The following PRR35 variants were observed in gnomAD, a reference collection of about 807,000 sequenced individuals.
PRR35 encodes proline rich 35.
In PRR35, 14 loss-of-function variants were observed where a neutral mutation model predicts 18.6. That is an observed-to-expected ratio of 0.75 (90% CI 0.50 to 1.18). PRR35 has a LOEUF of 1.18. Ranked by LOEUF, PRR35 falls within the 50% of genes most tolerant of loss-of-function variation. The pLI is 0.00. For missense variants in PRR35, 832 were observed against 792.2 expected (o/e 1.05, Z -0.60); for synonymous variants, 425 against 378.2 (o/e 1.12, Z -1.43).
upstream of PRR35, chr16:560,251 GGGGCGGCGGGGGGCGCGC>G (rs1034550358): frequency 1.2e-5 from 9 of 739,364 alleles, no homozygotes; most frequent in African/African-American, 7.7e-5. Context: ...TGCGCGCCAG[GGGGCGGCGGGGGGCGCGC>G]GGGCGGCGGG....
chr16:560,542 A>G lies in PRR35; in HGVS notation c.-159A>G, dbSNP rs890536748. The G allele has an allele frequency of 1.0e-6, 1 of 982,716 alleles. No individual in the cohort carries two copies. Among genetic ancestry groups the G allele is most frequent in the African/African-American group, 1.8e-5 (1 of 56,934 alleles). 60.9% of individuals were successfully genotyped at this position (982,716 alleles called of 1,614,324 possible). On this transcript the variant is annotated 5_prime_UTR_variant, in exon 1 of 3. Coordinates refer to ENST00000409413, the MANE Select transcript of PRR35 (RefSeq NM_145270.3). ...CCCACGGGAGCCGCATCCCACCCCC[A>G]GAGCCCCAGCGCGTCCGCGGGGTCC...
rs773516458 is a variant in PRR35 at position 565,267 on chromosome 16, C to T, written c.1676C>T (p.Ala559Val). 2 of 1,568,562 alleles carry T rather than the reference C, an allele frequency of 1.3e-6. No individual in the cohort carries two copies. The highest frequency in any genetic ancestry group is 1.7e-6 in the Non-Finnish European group (2 of 1,157,444). The change falls in exon 3 of 3, where the codon GCT becomes GTT. Residue 559 changes from alanine to valine, a missense_variant. Physicochemically the swap from Ala to Val is moderately conservative, Grantham distance 64 (BLOSUM62 0). Transcript: ENST00000409413. ...ACGAGGAGTTCCCAGACCCCTGAGG[C>T]TGTCTGTGGCCTGCAGAGCCCCCAG... ...VATRSSQTPE[A>V]VCGLQSPQGA... is the part of the protein sequence containing the mutation.
rs535166629 is a variant in PRR35 at position 563,819 on chromosome 16, G to A, written c.525G>A (p.Ala175=). The change falls in exon 2 of 3, where the codon GCG becomes GCA. Residue 175 remains alanine (A), a synonymous_variant. Transcript: ENST00000409413. ...GMGGDPRGVG[A]GDMASAGPEG... ...GAGGGGACCCAAGGGGCGTGGGTGC[G>A]GGGGACATGGCCTCAGCAGGCCCTG... 2.0e-5 allele frequency: 30 copies of A among 1,506,422 alleles called. No homozygotes were observed. Among genetic ancestry groups the A allele is most frequent in the Non-Finnish European group, 2.4e-5 (27 of 1,124,950 alleles). 93.3% of individuals were successfully genotyped at this position (1,506,422 alleles called of 1,614,324 possible).
rs2035512756 is a variant in PRR35, at chr16:565,073, C to T, written c.1482C>T (p.Thr494=). The change falls in exon 3 of 3, where the codon ACC becomes ACT. Residue 494 remains threonine (T), a synonymous_variant. Coordinates refer to ENST00000409413, the MANE Select transcript of PRR35 (RefSeq NM_145270.3). ...WGRPELGPVL[T]GGTPEPPGML... is the part of the protein sequence containing the mutation. ...GGCCCGAGCTGGGTCCCGTGTTGAC[C>T]GGGGGCACCCCCGAGCCACCCGGCA... The T allele has an allele frequency of 6.3e-7, 1 of 1,592,428 alleles. No individual in the cohort carries two copies. Among genetic ancestry groups the T allele is most frequent in the Non-Finnish European group, 8.6e-7 (1 of 1,169,318 alleles).
chr16:561,312 G>A (rs1240623846), intron 1 of PRR35, among the ~76,000 whole-genome samples: 1 of 152,178 alleles, frequency 6.6e-6, no homozygotes, highest in African/African-American at 2.4e-5. Flanking sequence ...GGGAGCCCCC[G>A]GTCCCTGCTG....
At chr16:562,706 G>A (rs1297804350) in intron 1 of PRR35, among the ~76,000 whole-genome samples, 1 of 152,248 alleles carries the variant, frequency 6.6e-6, no homozygotes, top group Non-Finnish European at 1.5e-5. Flanking sequence ...ATTGGCAGGG[G>A]CCAGGGTTGC....
chr16:563,916 C>T lies in PRR35; in HGVS notation c.622C>T (p.Leu208=). The change falls in exon 2 of 3, where the codon CTG becomes TTG. Residue 208 remains leucine (L), a synonymous_variant. Coordinates refer to ENST00000409413, the MANE Select transcript of PRR35 (RefSeq NM_145270.3). ...TGAGGCCCACAGCCTCCACCTGTCTCTGCTGGGCGTCAACTACCCGCTCAG... is the reference window on the plus strand; with the variant it reads ...TGAGGCCCACAGCCTCCACCTGTCTTTGCTGGGCGTCAACTACCCGCTCAG... ...FPEAHSLHLS[L]LGVNYPLSPG... The T allele has an allele frequency of 2.5e-6, 4 of 1,591,332 alleles. No homozygotes were observed. The highest frequency in any genetic ancestry group is 2.6e-6 in the Non-Finnish European group (3 of 1,170,168).
chr16:565,111 C>T lies in PRR35; in HGVS notation c.1520C>T (p.Ala507Val), dbSNP rs368200241. 1.3e-5 allele frequency: 21 copies of T among 1,600,238 alleles called. No homozygotes were observed. The African/African-American group carries it at 2.0e-4, about 15-fold the overall frequency. The change falls in exon 3 of 3, where the codon GCA becomes GTA. Residue 507 changes from alanine (A) to valine (V), a missense_variant. Ala to Val is a moderately conservative substitution (Grantham distance 64). Around this residue, in one of 3 missense-constraint regions of PRR35, gnomAD observed 768 missense variants for 704.1 expected, o/e 1.09. Transcript: ENST00000409413. ...GAGCCACCCGGCATGCTGGGCCCTG[C>T]AGCGCCCCAACCCTTCTCTGGCCAC... ...TPEPPGMLGP[A>V]APQPFSGHTT... is the part of the protein sequence containing the mutation.
chr16:561,695 G>A (rs531918569), intron 1 of PRR35: 65 of 980,184 alleles, frequency 6.6e-5, no homozygotes, highest in South Asian at 5.7e-4. Flanking sequence ...TCCCCCCAAC[G>A]GCACCAACAC....
Position 564,265 on chromosome 16 carries a change from G to T in PRR35, c.971G>T (p.Gly324Val). Reference sequence around the variant, plus strand: ...ACCCCCAGGGACCCAGGGCAGGAGGGGGAGCTGGAGCGGGCAGCCCAGAGT... The same window carrying T: ...ACCCCCAGGGACCCAGGGCAGGAGGTGGAGCTGGAGCGGGCAGCCCAGAGT... ...RVTPRDPGQE[G>V]ELERAAQSDP... The change falls in exon 2 of 3, where the codon GGG (glycine) becomes GTG (valine). Residue 324 changes from glycine to valine, a missense_variant. Coordinates refer to ENST00000409413, the MANE Select transcript of PRR35 (RefSeq NM_145270.3). 3 of 1,578,388 alleles carry T rather than the reference G, an allele frequency of 1.9e-6. No individual in the cohort carries two copies. Among genetic ancestry groups the T allele is most frequent in the Non-Finnish European group, 2.6e-6 (3 of 1,167,038 alleles).
chr16:560,690 C>G lies in PRR35; in HGVS notation c.-40+29C>G, dbSNP rs2035418239. On this transcript the variant is annotated intron_variant, in intron 1 of 2. Transcript: ENST00000409413. Reference sequence around the variant, plus strand: ...GGAGCGGCGGGAGCCGCGGGGGCGGCCAGTTGGGCGTCGCGGGGCCGGCTG... The same window carrying G: ...GGAGCGGCGGGAGCCGCGGGGGCGGGCAGTTGGGCGTCGCGGGGCCGGCTG... 13 of 982,744 alleles carry G rather than the reference C, an allele frequency of 1.3e-5. No homozygotes were observed. In the South Asian group the frequency reaches 4.1e-4, roughly 31 times the overall value. The allele number at this position is 982,744 out of a possible 1,614,324, so 60.9% of individuals were successfully genotyped here.
In PRR35 at chr16:564,510, A is replaced by C; in HGVS notation, c.1082+134A>C. 4.2e-6 allele frequency: 6 copies of C among 1,424,910 alleles called. No individual in the cohort carries two copies. In the East Asian group the frequency reaches 7.4e-5, roughly 18 times the overall value. The allele number at this position is 1,424,910 out of a possible 1,614,324, so 88.3% of individuals were successfully genotyped here. ...GCTGGGAAAGTGGGCTCCAGGCCAC[A>C]GAGGGGAACTGAGACCCGAGAGCCA... On this transcript the variant is annotated intron_variant, in intron 2 of 2. Coordinates refer to ENST00000409413, the MANE Select transcript of PRR35 (RefSeq NM_145270.3).
At position 565,498 on chromosome 16, in the gene PRR35, A is replaced by T. The variant is rs539247570; in HGVS notation, c.*191A>T. The stretch of plus-strand genomic sequence containing the variant: ...GAGGTCACAGTTATTTATTGATCAC[A>T]ATTGTGGACATTAAAACAGAAACTG... On this transcript the variant is annotated 3_prime_UTR_variant, in exon 3 of 3. Coordinates refer to ENST00000409413, the MANE Select transcript of PRR35 (RefSeq NM_145270.3). The T allele has an allele frequency of 3.2e-3, 1,693 of 534,952 alleles. 8 individuals are homozygous for T. The highest frequency in any genetic ancestry group is 4.3e-3 in the Non-Finnish European group (1,440 of 331,642). The allele number at this position is 534,952 out of a possible 1,614,324, so 33.1% of individuals were successfully genotyped here.
chr16:560,568 G>A lies in PRR35; in HGVS notation c.-133G>A. The A allele has an allele frequency of 1.0e-6, 1 of 983,234 alleles. No individual in the cohort carries two copies. The highest frequency in any genetic ancestry group is 6.2e-5 in the Admixed American group (1 of 16,110). The allele number at this position is 983,234 out of a possible 1,614,324, so 60.9% of individuals were successfully genotyped here. On this transcript the variant is annotated 5_prime_UTR_variant, in exon 1 of 3. Transcript: ENST00000409413. The stretch of plus-strand genomic sequence containing the variant: ...GAGCCCCAGCGCGTCCGCGGGGTCC[G>A]AGTCGCGGCCGGCGCGGGGCGGGGA...
rs535736533 is a variant in PRR35, at chr16:565,348, G to T, written c.*41G>T. 24 of 1,427,176 alleles carry T rather than the reference G, an allele frequency of 1.7e-5. No individual in the cohort carries two copies. The highest frequency in any genetic ancestry group is 1.3e-4 in the African/African-American group (9 of 68,456). 88.4% of individuals were successfully genotyped at this position (1,427,176 alleles called of 1,614,324 possible). ...GTCTGACTGTCTCTGCCTGCAGCAT[G>T]CCGGCCCCTCTCCTGCAGCCCCTGC... On this transcript the variant is annotated 3_prime_UTR_variant, in exon 3 of 3. Transcript: ENST00000409413.
chr16:562,168 T>A (rs2035444481), intron 1 of PRR35, among the ~76,000 whole-genome samples: 1 of 152,168 alleles, frequency 6.6e-6, no homozygotes, highest in Admixed American at 6.5e-5. Flanking sequence ...GTGGCGCGCA[T>A]ACCAGCGCCG....
chr16:560,746 G>T, intron 1 of PRR35, 85 bp downstream of exon 1: 1 of 940,218 alleles, frequency 1.1e-6, no homozygotes, highest in Non-Finnish European at 1.3e-6. Flanking sequence ...CGGGTGGCCA[G>T]GCGTGTGGGG....
At position 564,381 on chromosome 16, in the gene PRR35, G is replaced by A. The variant is rs375313294; in HGVS notation, c.1082+5G>A. 6.3e-7 allele frequency: 1 copy of A among 1,589,826 alleles called. No individual in the cohort carries two copies. Among genetic ancestry groups the A allele is most frequent in the Non-Finnish European group, 8.5e-7 (1 of 1,175,986 alleles). ...AAGGTTCTGTTCCCGGAGCAGGTGGGCGTCTTGGGCTCCCGGTTCCTGGGG... is the reference window on the plus strand; with the variant it reads ...AAGGTTCTGTTCCCGGAGCAGGTGGACGTCTTGGGCTCCCGGTTCCTGGGG... On this transcript the variant is annotated splice_donor_5th_base_variant and intron_variant, in intron 2 of 2. Coordinates refer to ENST00000409413, the MANE Select transcript of PRR35 (RefSeq NM_145270.3).
In PRR35 at chr16:560,491, G is replaced by A. The variant is rs2142104000; in HGVS notation, c.-210G>A. ...AGGGACCGCGGACCCGGGAGGTCCG[G>A]CTCCCGGCGCCGGGCCTCAGTTTCC... On this transcript the variant is annotated 5_prime_UTR_variant, in exon 1 of 3. Transcript: ENST00000409413. The A allele has an allele frequency of 2.0e-6, 2 of 982,776 alleles. No individual in the cohort carries two copies. The highest frequency in any genetic ancestry group is 1.1e-4 in the East Asian group (1 of 8,750). 60.9% of individuals were successfully genotyped at this position (982,776 alleles called of 1,614,324 possible). A position where few individuals can be genotyped will look rare whatever the true frequency, so the allele number is the denominator to read the frequency against.
Sources: allele counts gnomAD v4.1 joint callset (sites outside exome capture counted in the v4.1 genomes callset), GRCh38; gene constraint gnomAD v4.1.1; regional missense constraint gnomAD v4.1.1; transcripts MANE v1.5; gene names NCBI Gene and HGNC (gene_info 2026-07-23, HGNC 2026-07-21).